Variants in CEP85L observed in about 807,000 individuals in gnomAD.
CEP85L encodes centrosomal protein of 85 kDa-like.
CEP85L carries 60 observed loss-of-function variants against 100.3 expected under a neutral mutation model. That is an observed-to-expected ratio of 0.60 (90% confidence interval 0.49 to 0.74). CEP85L has a LOEUF of 0.74. Ranked by LOEUF, CEP85L falls within the 30% of genes least tolerant of loss-of-function variation. The probability of loss-of-function intolerance (pLI) is 0.00; values close to 1 mark genes in which losing one functional copy is unlikely to be tolerated. For missense variants in CEP85L, 973 were observed against 936.2 expected, an observed-to-expected ratio of 1.04 and a Z score of -0.51; for synonymous variants, 319 against 322.7, an observed-to-expected ratio of 0.99 and a Z score of 0.12.
intron 3 of CEP85L, among the ~76,000 whole-genome samples, chr6:118,555,219 C>T (rs560548120): frequency 5.9e-5 from 9 of 152,152 alleles, no homozygotes; most frequent in East Asian, 1.9e-4. Context: ...ATCACGAGGT[C>T]GGGAGATCGA....
At chr6:118,653,588 C>A (rs1775669191), upstream of CEP85L, among the ~76,000 whole-genome samples, 1 of 152,156 alleles carries the variant, frequency 6.6e-6, no homozygotes, top group African/African-American at 2.4e-5. Flanking sequence ...CATTACTAAA[C>A]CCCATGTGGT....
At chr6:118,647,487 G>C (rs1033682752) in intron 1 of CEP85L, among the ~76,000 whole-genome samples, 5 of 151,606 alleles carry the variant, frequency 3.3e-5, no homozygotes, top group African/African-American at 1.2e-4. Flanking sequence ...TCAGCCTCCT[G>C]AGTAGCTGGG....
chr6:118,632,769 G>A (rs1774246979), intron 1 of CEP85L, among the ~76,000 whole-genome samples, 158 bp from the exon 2 acceptor site: 1 of 152,168 alleles, frequency 6.6e-6, no homozygotes, highest in African/African-American at 2.4e-5. Flanking sequence ...CCAAATAAAT[G>A]TATATATCAC....
At chr6:118,589,166 T>A (rs1352205216) in intron 2 of CEP85L, 2 of 260,030 alleles carry the variant, frequency 7.7e-6, no homozygotes, top group African/African-American at 4.6e-5. Context: ...CAGATACTTA[T>A]CTAATAAAGA....
intron 3 of CEP85L, chr6:118,559,296 A>G (rs2114971386): frequency 1.8e-6 from 1 of 554,188 alleles, no homozygotes; most frequent in South Asian, 2.1e-5. Context: ...TCAAAAATTA[A>G]CTTCAAAATA....
upstream of CEP85L, chr6:118,652,334 C>G: frequency 1.1e-6 from 1 of 940,462 alleles, no homozygotes; most frequent in Non-Finnish European, 1.3e-6. Context: ...TCACCTGAAC[C>G]CTTAGTGCAG....
At chr6:118,545,513 G>A (rs1288115402) in intron 3 of CEP85L, among the ~76,000 whole-genome samples, 11 of 152,156 alleles carry the variant, frequency 7.2e-5, no homozygotes, top group East Asian at 1.9e-4. Context: ...GCTTGAACCC[G>A]AGAGGGAGAG....
chr6:118,461,326 C>T lies in CEP85L; in HGVS notation c.*4079G>A, dbSNP rs1478653049. Reference sequence around the variant, plus strand: ...TTTCCAGCTCACTACACAGGGAAGGCTGGGCTCCAAAGACATCTATCTGAT... The same window carrying T: ...TTTCCAGCTCACTACACAGGGAAGGTTGGGCTCCAAAGACATCTATCTGAT... On this transcript the variant is annotated 3_prime_UTR_variant, in exon 13 of 13. Coordinates refer to ENST00000368491, the MANE Select transcript of CEP85L (RefSeq NM_001042475.3). The T allele has an allele frequency of 6.6e-6, 1 of 151,892 alleles. No individual in the cohort carries two copies. The highest frequency in any genetic ancestry group is 1.5e-5 in the Non-Finnish European group (1 of 67,930). The allele number at this position is 151,892 out of a possible 1,614,324, so 9.4% of individuals were successfully genotyped here.
intron 2 of CEP85L, among the ~76,000 whole-genome samples, chr6:118,590,697 CTTCT>C (rs1426215073): frequency 2.0e-5 from 3 of 152,082 alleles, no homozygotes; most frequent in African/African-American, 7.2e-5. Flanking sequence ...GAGCCTCTTC[CTTCT>C]TTCTTGCTTA....
At chr6:118,668,000 T>G (rs1776183445) in intron 1 of CEP85L, among the ~76,000 whole-genome samples, 1 of 152,158 alleles carries the variant, frequency 6.6e-6, no homozygotes, top group East Asian at 1.9e-4. Flanking sequence ...TGAGCAAATA[T>G]CTCCCCAGCC....
intron 6 of CEP85L, among the ~76,000 whole-genome samples, chr6:118,488,147 C>G (rs1437383555): frequency 1.3e-5 from 2 of 151,864 alleles, no homozygotes; most frequent in African/African-American, 2.4e-5. Context: ...ATACAAGTAT[C>G]AACTTAAAGA....
At chr6:118,589,390 C>G (rs1781049791) in intron 2 of CEP85L, 1 of 249,292 alleles carries the variant, frequency 4.0e-6, no homozygotes, top group Non-Finnish European at 8.8e-6. Flanking sequence ...TACAAGGGAA[C>G]TTTCCAAAGA....
intron 3 of CEP85L, among the ~76,000 whole-genome samples, chr6:118,555,510 T>C (rs1583037946): frequency 6.7e-6 from 1 of 149,096 alleles, no homozygotes; most frequent in Non-Finnish European, 1.5e-5. Context: ...AATAAGCAAA[T>C]ATCAACATAA....
chr6:118,483,874 T>A lies in CEP85L; in HGVS notation c.1438-16A>T. On this transcript the variant is annotated splice_polypyrimidine_tract_variant and intron_variant, in intron 6 of 12. Coordinates refer to ENST00000368491, the MANE Select transcript of CEP85L (RefSeq NM_001042475.3). Reference sequence around the variant, plus strand: ...TAGTTTTAAGCTAAAAGCAAACAATTATGAACCTTCAGTAGTTTTCAGTCA... The same window carrying A: ...TAGTTTTAAGCTAAAAGCAAACAATAATGAACCTTCAGTAGTTTTCAGTCA... 1 of 1,608,646 alleles carries A rather than the reference T, an allele frequency of 6.2e-7. No individual in the cohort carries two copies. The highest frequency in any genetic ancestry group is 8.5e-7 in the Non-Finnish European group (1 of 1,177,880).
At chr6:118,520,693 C>T (rs2114771363) in intron 4 of CEP85L, among the ~76,000 whole-genome samples, 1 of 152,298 alleles carries the variant, frequency 6.6e-6, no homozygotes, top group Middle Eastern at 3.4e-3. Flanking sequence ...GCTACTTCCC[C>T]CAGCCTTCCC....
At chr6:118,503,762 G>A (rs1775459254) in intron 5 of CEP85L, among the ~76,000 whole-genome samples, 1 of 136,362 alleles carries the variant, frequency 7.3e-6, no homozygotes. Flanking sequence ...ACTAGACACA[G>A]ACCTTATATT....
chr6:118,559,451 A>G (rs1170179587), intron 3 of CEP85L: 1 of 278,030 alleles, frequency 3.6e-6, no homozygotes, highest in Non-Finnish European at 7.4e-6. Flanking sequence ...TACTCTTTTG[A>G]GGTGAATATA....
intron 1 of CEP85L, among the ~76,000 whole-genome samples, chr6:118,690,084 C>T (rs1369478096): frequency 1.3e-5 from 2 of 152,098 alleles, no homozygotes; most frequent in Non-Finnish European, 2.9e-5. Flanking sequence ...GCTCAGTTTA[C>T]TTAAAAGCAA....
In CEP85L at chr6:118,487,349, T is replaced by C. The variant is rs141199531; in HGVS notation, c.1438-3491A>G. 1.8e-3 allele frequency among the ~76,000 whole-genome samples: 278 copies of C among 152,234 alleles called. 1 individual carries two copies. Among genetic ancestry groups the C allele is most frequent in the South Asian group, 2.9e-3 (14 of 4,824 alleles). On this transcript the variant is annotated intron_variant, in intron 6 of 12. Transcript: ENST00000368491. ...ATGTGTCTCAGGCCATGGGAAGAAT[T>C]TGATTTATATTTTAAAGACCTGGAG...
Sources: allele counts gnomAD v4.1 joint callset (sites outside exome capture counted in the v4.1 genomes callset), GRCh38; gene constraint gnomAD v4.1.1; transcripts MANE v1.5; gene names NCBI Gene and HGNC (gene_info 2026-07-23, HGNC 2026-07-21).